Variants in SYNPR observed in about 807,000 individuals in gnomAD.
SYNPR encodes synaptoporin.
Under a neutral mutation model 32.9 loss-of-function variants are expected in SYNPR, and 23 were observed. The observed-to-expected ratio is 0.70, with a 90% CI of 0.50 to 0.99. SYNPR has a LOEUF of 0.99. SYNPR is among the 50% of genes least tolerant of loss of function. SYNPR has a pLI of 0.00. For missense variants in SYNPR, 318 were observed against 349.3 expected (o/e 0.91, Z 0.71); for synonymous variants, 146 against 135.9 (o/e 1.07, Z -0.52).
intron 2 of SYNPR, among the ~76,000 whole-genome samples, chr3:63,297,736 A>AG (rs1019374532): frequency 6.6e-6 from 1 of 152,110 alleles, no homozygotes; most frequent in African/African-American, 2.4e-5. Flanking sequence ...TTTGGTGGGC[A>AG]GGGGGCTAGG....
At chr3:63,295,726 CTGAAT>C (rs1228905784) in intron 2 of SYNPR, among the ~76,000 whole-genome samples, 4 of 152,162 alleles carry the variant, frequency 2.6e-5, no homozygotes, top group Non-Finnish European at 5.9e-5. Context: ...TTGATTTGAT[CTGAAT>C]TGATCTTATT....
At chr3:63,258,988 T>A (rs2086413805) in intron 2 of SYNPR, among the ~76,000 whole-genome samples, 1 of 152,118 alleles carries the variant, frequency 6.6e-6, no homozygotes, top group Non-Finnish European at 1.5e-5. Context: ...ATGGATAAAT[T>A]CCTGGACACA....
chr3:63,401,412 C>G (rs575565459), intron 2 of SYNPR, among the ~76,000 whole-genome samples: 13 of 152,210 alleles, frequency 8.5e-5, no homozygotes, highest in Admixed American at 2.0e-4. Flanking sequence ...ATGTCTATTG[C>G]CAAATAGAAC....
chr3:63,520,494 G>A (rs183222938), intron 3 of SYNPR, among the ~76,000 whole-genome samples: 1,718 of 152,202 alleles, frequency 0.011, 42 homozygotes, highest in African/African-American at 0.039. Context: ...CCAACGTGGT[G>A]AAACCCTGTC....
At chr3:63,565,662 C>A (rs964993454) in intron 4 of SYNPR, among the ~76,000 whole-genome samples, 11 of 152,168 alleles carry the variant, frequency 7.2e-5, no homozygotes, top group Non-Finnish European at 1.5e-4. Context: ...CCATGACCCC[C>A]AATATCCATG....
chr3:63,204,327 T>G, the SYNPR span, among the ~76,000 whole-genome samples: 16 of 152,210 alleles, frequency 1.1e-4, no homozygotes, highest in Non-Finnish European at 2.4e-4. Flanking sequence ...AGGCATTCCT[T>G]GCTTGTGGAA....
At chr3:63,276,839 C>G (rs568412690), upstream of SYNPR, among the ~76,000 whole-genome samples, 4 of 152,146 alleles carry the variant, frequency 2.6e-5, no homozygotes, top group East Asian at 1.9e-4. Flanking sequence ...GCTGCCTCCC[C>G]CTCCCAGACA....
At chr3:63,445,489 G>C in intron 2 of SYNPR, 2 of 683,884 alleles carry the variant, frequency 2.9e-6, no homozygotes, top group Non-Finnish European at 5.3e-6. Context: ...TCATTTGGGG[G>C]AAAACAATAA....
intron 4 of SYNPR, among the ~76,000 whole-genome samples, chr3:63,604,362 G>C (rs1251150970): frequency 6.6e-6 from 1 of 151,978 alleles, no homozygotes; most frequent in African/African-American, 2.4e-5. Flanking sequence ...GCTCTGGTTT[G>C]GATTATTTCT....
At chr3:63,202,374 G>A in the SYNPR span, among the ~76,000 whole-genome samples, 5 of 152,284 alleles carry the variant, frequency 3.3e-5, no homozygotes, top group African/African-American at 9.6e-5. Context: ...CACCCTGCTT[G>A]CAGAATTGCT....
chr3:63,218,182 A>G, the SYNPR span, among the ~76,000 whole-genome samples: 1 of 152,212 alleles, frequency 6.6e-6, no homozygotes, highest in Admixed American at 6.5e-5. Context: ...GGGCAAGGCT[A>G]TGTCTAATAT....
rs531226117 is a variant in SYNPR at position 63,587,490 on chromosome 3, TTA to T, written c.409-21633_409-21632del. On this transcript the variant is annotated intron_variant, in intron 4 of 5. Transcript: ENST00000478300. ...GTAGAATAGTAAGTTAATAATAGGATTATGTTTTCAAAGGAGTATTTGACAGC... is the reference window on the plus strand; with the variant it reads ...GTAGAATAGTAAGTTAATAATAGGATTGTTTTCAAAGGAGTATTTGACAGC... Among the ~76,000 whole-genome samples the T allele has an allele frequency of 4.8e-3, 730 of 152,206 alleles. 3 individuals are homozygous for T. The highest frequency in any genetic ancestry group is 7.8e-3 in the Non-Finnish European group (532 of 67,980).
intron 2 of SYNPR, among the ~76,000 whole-genome samples, chr3:63,292,492 A>G (rs2086749755): frequency 6.6e-6 from 1 of 152,228 alleles, no homozygotes; most frequent in Admixed American, 6.5e-5. Flanking sequence ...TAGAAAAAAT[A>G]CTTGGATTTG....
chr3:63,602,400 G>A (rs72889258), intron 4 of SYNPR, among the ~76,000 whole-genome samples: 1,728 of 152,200 alleles, frequency 0.011, 35 homozygotes, highest in African/African-American at 0.039. Context: ...TGCTTTTGGT[G>A]TTTTCATCAT....
At chr3:63,452,740 T>G (rs1352475184) in intron 2 of SYNPR, among the ~76,000 whole-genome samples, 1 of 152,170 alleles carries the variant, frequency 6.6e-6, no homozygotes, top group Non-Finnish European at 1.5e-5. Flanking sequence ...ATATGGTGAC[T>G]CTGAGAGTAT....
rs912465100 is a variant in SYNPR at position 63,553,916 on chromosome 3, T to C, written c.210-2627T>C. ...TTATATTTTTAGTAGAGATGGGGTT[T>C]CTCCATGTTGGTCAGGCTGGTCTCG... On this transcript the variant is annotated intron_variant, in intron 3 of 5. Coordinates refer to ENST00000478300, the MANE Select transcript of SYNPR (RefSeq NM_001130003.2). Among the ~76,000 whole-genome samples, 35 of 152,070 alleles carry C rather than the reference T, an allele frequency of 2.3e-4. 1 individual carries two copies. The highest frequency in any genetic ancestry group is 2.9e-5 in the Non-Finnish European group (2 of 68,004).
intron 2 of SYNPR, among the ~76,000 whole-genome samples, chr3:63,284,951 A>G (rs1238333071): frequency 6.6e-6 from 1 of 152,208 alleles, no homozygotes; most frequent in Non-Finnish European, 1.5e-5. Flanking sequence ...TAACCAACTC[A>G]TCAGGGACAA....
upstream of SYNPR, among the ~76,000 whole-genome samples, chr3:63,274,704 C>G (rs1434455436): frequency 6.6e-6 from 1 of 152,200 alleles, no homozygotes; most frequent in Non-Finnish European, 1.5e-5. Flanking sequence ...GCTGAAGTTT[C>G]TCTACCTTGG....
At chr3:63,260,741 A>C (rs906118435) in intron 2 of SYNPR, among the ~76,000 whole-genome samples, 3 of 151,960 alleles carry the variant, frequency 2.0e-5, no homozygotes, top group Admixed American at 6.5e-5. Flanking sequence ...TAAACTAAAG[A>C]GCTTCTGCAC....
Sources: allele counts gnomAD v4.1 joint callset (sites outside exome capture counted in the v4.1 genomes callset), GRCh38; gene constraint gnomAD v4.1.1; transcripts MANE v1.5; gene names NCBI Gene and HGNC (gene_info 2026-07-23, HGNC 2026-07-21).